Variants in FHIT observed in about 807,000 individuals in gnomAD.
The protein encoded by FHIT is bis(5'-adenosyl)-triphosphatase.
In FHIT, 19 loss-of-function variants were observed where a neutral mutation model predicts 17.9. That is an observed-to-expected ratio of 1.06 (90% CI 0.74 to 1.56). The LOEUF is 1.56. Among genes scored for constraint, FHIT ranks in the 40% most tolerant of loss-of-function variants. The pLI, the probability that FHIT is intolerant of heterozygous loss-of-function variation, is 0.00. For synonymous variants in FHIT, 81 were observed against 69.7 expected (o/e 1.16, Z -0.81); for missense variants, 248 against 189.2 (o/e 1.31, Z -1.82).
At chr3:61,187,017 G>C (rs1200417225) in intron 2 of FHIT, among the ~76,000 whole-genome samples, 1 of 152,132 alleles carries the variant, frequency 6.6e-6, no homozygotes, top group Non-Finnish European at 1.5e-5. Flanking sequence ...GTTCTGATCT[G>C]TCTCCTTCCC....
At chr3:61,056,610 G>A (rs2034233174) in intron 2 of FHIT, among the ~76,000 whole-genome samples, 1 of 152,148 alleles carries the variant, frequency 6.6e-6, no homozygotes, top group South Asian at 2.1e-4. Flanking sequence ...GCGAAAGAGT[G>A]AGCCATGTAA....
chr3:60,302,268 A>C (rs1235572873), intron 5 of FHIT, among the ~76,000 whole-genome samples: 1 of 152,060 alleles, frequency 6.6e-6, no homozygotes, highest in Non-Finnish European at 1.5e-5. Flanking sequence ...GCAGCTTCTG[A>C]CTAAATGTTT....
intron 5 of FHIT, among the ~76,000 whole-genome samples, chr3:60,062,187 T>C (rs79696308): frequency 0.022 from 3,316 of 152,210 alleles, 124 homozygotes; most frequent in African/African-American, 0.074. Flanking sequence ...GAGTACCTAA[T>C]GTGTGCTCAA....
intron 4 of FHIT, among the ~76,000 whole-genome samples, chr3:60,546,159 A>T (rs1010858399): frequency 2.0e-5 from 3 of 152,154 alleles, no homozygotes; most frequent in Non-Finnish European, 4.4e-5. Flanking sequence ...AATCTGCTGG[A>T]TAAGTTTAAT....
chr3:60,012,254 GTTTTTTTTGTTGTTT>G lies in FHIT; in HGVS notation c.250-869_250-855del, dbSNP rs1246805408. Among the ~76,000 whole-genome samples, 1,210 of 132,320 alleles carry G rather than the reference GTTTTTTTTGTTGTTT, an allele frequency of 9.1e-3. 12 individuals carry two copies. The highest frequency in any genetic ancestry group is 0.033 in the African/African-American group (1,161 of 34,706). 86.8% of individuals were successfully genotyped at this position (132,320 alleles called of 152,430 possible). On this transcript the variant is annotated intron_variant, in intron 6 of 9. Transcript: ENST00000492590. Reference sequence around the variant, plus strand: ...GCATTACAAACAATGTAAATCAGGTGTTTTTTTTGTTGTTTTTTTTTTTTTTTTTTTTGAGAAAGG... The same window carrying G: ...GCATTACAAACAATGTAAATCAGGTGTTTTTTTTTTTTTTTTTGAGAAAGG...
At chr3:60,041,940 T>C (rs1007557494) in intron 5 of FHIT, among the ~76,000 whole-genome samples, 1 of 152,248 alleles carries the variant, frequency 6.6e-6, no homozygotes, top group African/African-American at 2.4e-5. Flanking sequence ...AAATATATAC[T>C]TTGTTTAGCT....
intron 7 of FHIT, among the ~76,000 whole-genome samples, chr3:59,964,909 G>A (rs898115136): frequency 3.9e-5 from 6 of 151,906 alleles, no homozygotes; most frequent in Admixed American, 1.3e-4. Context: ...GATATCCATC[G>A]GGCCATAAAT....
In FHIT at chr3:60,377,514, G is replaced by A. The variant is rs563765804; in HGVS notation, c.103+159346C>T. Among the ~76,000 whole-genome samples the A allele has an allele frequency of 2.3e-4, 26 of 111,954 alleles. No individual in the cohort carries two copies. In the Admixed American group the frequency reaches 2.7e-3, roughly 12 times the overall value. The allele number at this position is 111,954 out of a possible 152,430, so 73.4% of individuals were successfully genotyped here. A position where few individuals can be genotyped will look rare whatever the true frequency, so the allele number is the denominator to read the frequency against. On this transcript the variant is annotated intron_variant, in intron 5 of 9. Coordinates refer to ENST00000492590, the MANE Select transcript of FHIT (RefSeq NM_002012.4). ...TTTTGAGACGGAGTCTCGCTCTGTC[G>A]CCCAGGCCGGACTGCGGACTGCAGT...
chr3:60,884,387 A>G (rs1448249985), intron 3 of FHIT, among the ~76,000 whole-genome samples: 3 of 152,162 alleles, frequency 2.0e-5, no homozygotes, highest in Non-Finnish European at 4.4e-5. Context: ...AAAGGAAATC[A>G]GGATATTGAA....
At position 60,129,049 on chromosome 3, in the gene FHIT, G is replaced by GTTGTTTTTTT. The variant is rs759645654; in HGVS notation, c.104-114898_104-114897insAAAAAAACAA. The stretch of plus-strand genomic sequence containing the variant: ...TTTCCCTTTTCTTCTTTCCTTTTTT[G>GTTGTTTTTTT]TTTGTTTTTTTTTTTTTTTTTGAAA... On this transcript the variant is annotated intron_variant, in intron 5 of 9. Transcript: ENST00000492590. Among the ~76,000 whole-genome samples, 191 of 121,012 alleles carry GTTGTTTTTTT rather than the reference G, an allele frequency of 1.6e-3. 12 individuals carry two copies. The highest frequency in any genetic ancestry group is 6.3e-3 in the Admixed American group (71 of 11,330). 79.4% of individuals were successfully genotyped at this position (121,012 alleles called of 152,430 possible). A position where few individuals can be genotyped will look rare whatever the true frequency, so the allele number is the denominator to read the frequency against.
At chr3:61,212,177 G>A (rs1170920786) in intron 1 of FHIT, among the ~76,000 whole-genome samples, 4 of 152,234 alleles carry the variant, frequency 2.6e-5, no homozygotes, top group African/African-American at 9.6e-5. Flanking sequence ...GTTGAGAGAA[G>A]AAGGCTTCAG....
chr3:60,989,477 A>G (rs749436431), intron 3 of FHIT, among the ~76,000 whole-genome samples: 39 of 152,208 alleles, frequency 2.6e-4, no homozygotes, highest in Non-Finnish European at 2.6e-4. Context: ...CATATAAGAC[A>G]CTTTGCTTAG....
chr3:60,540,782 G>A (rs1399051642), intron 4 of FHIT, among the ~76,000 whole-genome samples: 2 of 152,108 alleles, frequency 1.3e-5, no homozygotes, highest in African/African-American at 2.4e-5. Flanking sequence ...CACCCACATA[G>A]CCAGAACTGT....
chr3:60,069,819 A>C (rs1299032586), intron 5 of FHIT, among the ~76,000 whole-genome samples: 2 of 152,208 alleles, frequency 1.3e-5, no homozygotes, highest in Non-Finnish European at 2.9e-5. Flanking sequence ...AGGGGTTTAC[A>C]CCTTTCCAAG....
intron 4 of FHIT, among the ~76,000 whole-genome samples, chr3:60,543,037 T>C (rs2036236458): frequency 6.6e-6 from 1 of 152,314 alleles, no homozygotes; most frequent in Admixed American, 6.5e-5. Flanking sequence ...GGAATAAGTC[T>C]AGACTCCTTT....
intron 5 of FHIT, among the ~76,000 whole-genome samples, chr3:60,343,782 T>C (rs1576507018): frequency 6.6e-6 from 1 of 152,214 alleles, no homozygotes; most frequent in African/African-American, 2.4e-5. Context: ...CATCCCTTTC[T>C]GTCTTTACTT....
At chr3:60,338,241 C>T (rs186779297) in intron 5 of FHIT, among the ~76,000 whole-genome samples, 6 of 152,280 alleles carry the variant, frequency 3.9e-5, no homozygotes, top group Non-Finnish European at 7.4e-5. Context: ...TCGCTACTAG[C>T]CCGAAGACCT....
chr3:59,998,600 G>A (rs1340267790), intron 7 of FHIT, among the ~76,000 whole-genome samples: 1 of 152,068 alleles, frequency 6.6e-6, no homozygotes, highest in East Asian at 1.9e-4. Flanking sequence ...TCTAAATGGG[G>A]GGAAACTGAC....
intron 3 of FHIT, among the ~76,000 whole-genome samples, chr3:60,881,683 C>T (rs1704987748): frequency 1.3e-5 from 2 of 151,876 alleles, no homozygotes; most frequent in Admixed American, 6.6e-5. Context: ...AGACTCAATA[C>T]AGAAATTAAG....
Sources: allele counts gnomAD v4.1 joint callset (sites outside exome capture counted in the v4.1 genomes callset), GRCh38; gene constraint gnomAD v4.1.1; transcripts MANE v1.5; gene names NCBI Gene and HGNC (gene_info 2026-07-23, HGNC 2026-07-21).